The following TAFA2 variants were observed in gnomAD, a reference collection of about 807,000 sequenced individuals.
TAFA2 encodes TAFA chemokine like family member 2, also known as chemokine-like protein TAFA-2.
A neutral mutation model predicts 18.8 loss-of-function variants in TAFA2; 7 were observed. The ratio of observed to expected loss-of-function variants is 0.37; its 90% confidence interval spans 0.21 to 0.70. The LOEUF is 0.70. Among genes scored for constraint, TAFA2 ranks in the 30% least tolerant of loss-of-function variants. The pLI is 0.53. For synonymous variants in TAFA2, 60 were observed against 54.2 expected (o/e 1.11, Z -0.47); for missense variants, 122 against 158.1 (o/e 0.77, Z 1.23).
At chr12:61,740,124 T>C (rs1352788351) in intron 4 of TAFA2, among the ~76,000 whole-genome samples, 1 of 152,024 alleles carries the variant, frequency 6.6e-6, no homozygotes, top group Non-Finnish European at 1.5e-5. Context: ...CTACCATCCT[T>C]CTCCCTGCCC....
intron 2 of TAFA2, among the ~76,000 whole-genome samples, chr12:61,806,558 A>T (rs1402250936): frequency 6.6e-6 from 1 of 152,234 alleles, no homozygotes; most frequent in Non-Finnish European, 1.5e-5. Context: ...AAAATGTGGA[A>T]GTGACTTTGG....
intron 1 of TAFA2, among the ~76,000 whole-genome samples, chr12:62,141,288 T>C (rs1003769724): frequency 6.6e-6 from 1 of 152,170 alleles, no homozygotes; most frequent in African/African-American, 2.4e-5. Flanking sequence ...TGTAGACTGA[T>C]CGTGTAATTG....
chr12:62,005,206 T>C (rs1160224441), intron 1 of TAFA2, among the ~76,000 whole-genome samples: 2 of 152,118 alleles, frequency 1.3e-5, no homozygotes, highest in Admixed American at 6.5e-5. Context: ...AAGATAACTA[T>C]GTGAGGTGAC....
intron 2 of TAFA2, among the ~76,000 whole-genome samples, chr12:61,845,594 T>C (rs1454522749): frequency 6.6e-6 from 1 of 152,162 alleles, no homozygotes; most frequent in Non-Finnish European, 1.5e-5. Context: ...ATTAGGTCTT[T>C]GAGAGAAGTT....
In TAFA2 at chr12:61,791,748, G is replaced by A. The variant is rs190651035; in HGVS notation, c.107-36724C>T. Reference sequence around the variant, plus strand: ...TGTTGGTGAGGATGTGGAGAAAAGGGAAAACATGTACTGTTTGTGGGTATG... The same window carrying A: ...TGTTGGTGAGGATGTGGAGAAAAGGAAAAACATGTACTGTTTGTGGGTATG... On this transcript the variant is annotated intron_variant, in intron 2 of 4. Transcript: ENST00000416284. 3.3e-5 allele frequency among the ~76,000 whole-genome samples: 5 copies of A among 151,674 alleles called. 1 individual carries two copies. Among genetic ancestry groups the A allele is most frequent in the Admixed American group, 2.0e-4 (3 of 15,192 alleles).
intron 2 of TAFA2, among the ~76,000 whole-genome samples, chr12:61,772,273 A>G (rs1870062587): frequency 6.6e-6 from 1 of 152,042 alleles, no homozygotes; most frequent in African/African-American, 2.4e-5. Context: ...GATCAGATAA[A>G]TTCACAGTTG....
intron 1 of TAFA2, among the ~76,000 whole-genome samples, chr12:62,190,913 G>C (rs1369443496): frequency 2.0e-5 from 3 of 152,080 alleles, no homozygotes; most frequent in Non-Finnish European, 2.9e-5. Context: ...GTGAGGAATC[G>C]AATTACAACC....
intron 1 of TAFA2, among the ~76,000 whole-genome samples, chr12:61,963,680 T>TCC (rs371506373): frequency 2.0e-5 from 3 of 151,930 alleles, no homozygotes; most frequent in African/African-American, 7.2e-5. Context: ...TTCGATGCTA[T>TCC]CCCCATCAAG....
At chr12:61,952,641 CTT>C (rs1257746150) in intron 1 of TAFA2, among the ~76,000 whole-genome samples, 1 of 152,048 alleles carries the variant, frequency 6.6e-6, no homozygotes, top group Non-Finnish European at 1.5e-5. Context: ...CAACTGACGT[CTT>C]TATCTCTTTA....
At chr12:61,991,271 A>G (rs1262990090) in intron 1 of TAFA2, among the ~76,000 whole-genome samples, 1 of 152,224 alleles carries the variant, frequency 6.6e-6, no homozygotes, top group Non-Finnish European at 1.5e-5. Flanking sequence ...TAAGTGTTAT[A>G]CGGTGCATTG....
intron 1 of TAFA2, among the ~76,000 whole-genome samples, chr12:62,130,152 G>A (rs778738056): frequency 2.0e-5 from 3 of 151,880 alleles, no homozygotes; most frequent in Non-Finnish European, 4.4e-5. Flanking sequence ...CTGGTAAATT[G>A]CTTTCATCTT....
chr12:61,885,814 C>G (rs1280703269), intron 1 of TAFA2, among the ~76,000 whole-genome samples: 2 of 152,146 alleles, frequency 1.3e-5, no homozygotes, highest in Non-Finnish European at 2.9e-5. Context: ...GGTGTTACAT[C>G]ATGGCTGAAC....
At chr12:61,909,980 G>A (rs147446537) in intron 1 of TAFA2, among the ~76,000 whole-genome samples, 15 of 152,192 alleles carry the variant, frequency 9.9e-5, no homozygotes, top group South Asian at 2.1e-4. Context: ...ACAAAAATAC[G>A]TAAGACAAAT....
At chr12:61,911,298 T>A (rs1876601674) in intron 1 of TAFA2, among the ~76,000 whole-genome samples, 1 of 152,174 alleles carries the variant, frequency 6.6e-6, no homozygotes, top group Non-Finnish European at 1.5e-5. Flanking sequence ...AGTTTCAGAA[T>A]CTGGGCAACA....
intron 1 of TAFA2, among the ~76,000 whole-genome samples, chr12:61,942,380 C>G (rs1465665938): frequency 2.6e-5 from 4 of 151,304 alleles, no homozygotes; most frequent in Non-Finnish European, 5.9e-5. Context: ...ACTGGAAACT[C>G]TAAAACGCAG....
chr12:62,037,722 C>T (rs1028093810), intron 1 of TAFA2, among the ~76,000 whole-genome samples: 1 of 152,174 alleles, frequency 6.6e-6, no homozygotes, highest in African/African-American at 2.4e-5. Context: ...TTAAGAATAA[C>T]TACTTTATAG....
At chr12:62,024,431 G>T (rs1490067700) in intron 1 of TAFA2, among the ~76,000 whole-genome samples, 1 of 152,088 alleles carries the variant, frequency 6.6e-6, no homozygotes, top group East Asian at 1.9e-4. Flanking sequence ...AATCCCTGCA[G>T]ATTGGTTTTG....
intron 4 of TAFA2, among the ~76,000 whole-genome samples, chr12:61,730,227 T>C (rs1246601429): frequency 6.6e-6 from 1 of 152,142 alleles, no homozygotes; most frequent in Non-Finnish European, 1.5e-5. Flanking sequence ...AGCTGTCACA[T>C]GGACAGACTC....
intron 1 of TAFA2, among the ~76,000 whole-genome samples, chr12:61,896,531 T>G (rs1444621859): frequency 1.3e-5 from 2 of 152,226 alleles, no homozygotes; most frequent in African/African-American, 2.4e-5. Context: ...CCACTTCAAG[T>G]GCTTGAAGCT....
Sources: gnomAD v4.1 joint callset for allele counts (sites outside exome capture counted in the v4.1 genomes callset) on GRCh38, gnomAD v4.1.1 for gene constraint, MANE v1.5 for transcripts, NCBI Gene and HGNC (gene_info 2026-07-23, HGNC 2026-07-21) for gene names.